RAB3C: variants seen among roughly 807,000 people sequenced by gnomAD.
The protein encoded by RAB3C is RAB3C, member RAS oncogene family.
A neutral mutation model predicts 26.4 loss-of-function variants in RAB3C; 17 were observed. The observed-to-expected ratio is 0.64, with a 90% CI of 0.44 to 0.97. The LOEUF (loss-of-function observed/expected upper bound fraction) is 0.97. Ranked by LOEUF, RAB3C falls within the 50% of genes least tolerant of loss-of-function variation. The pLI, the probability that RAB3C is intolerant of heterozygous loss-of-function variation, is 0.00. For synonymous variants in RAB3C, 91 were observed against 95.9 expected (o/e 0.95, Z 0.30); for missense variants, 242 against 281.9 (o/e 0.86, Z 1.01).
chr5:58,786,649 A>T (rs1742390295), intron 3 of RAB3C, among the ~76,000 whole-genome samples: 1 of 151,922 alleles, frequency 6.6e-6, no homozygotes, highest in Non-Finnish European at 1.5e-5. Flanking sequence ...TGTGCAGGTT[A>T]TTTTTATTTT....
In RAB3C at chr5:58,854,815, T is replaced by A. The variant is rs1485399632; in HGVS notation, c.*3464T>A. The A allele has an allele frequency of 3.4e-5, 5 of 147,184 alleles. No individual in the cohort carries two copies. Among genetic ancestry groups the A allele is most frequent in the African/African-American group, 1.0e-4 (4 of 39,610 alleles). The allele number at this position is 147,184 out of a possible 1,614,324, so 9.1% of individuals were successfully genotyped here. On this transcript the variant is annotated 3_prime_UTR_variant, in exon 5 of 5. Coordinates refer to ENST00000282878, the MANE Select transcript of RAB3C (RefSeq NM_138453.4). ...AAATCTACAAAGTTACAACCCAAAT[T>A]ATACAAGACATCAAAACACTCAGTA...
intron 2 of RAB3C, among the ~76,000 whole-genome samples, chr5:58,699,788 T>C (rs1748802880): frequency 6.6e-6 from 1 of 152,216 alleles, no homozygotes; most frequent in Admixed American, 6.5e-5. Flanking sequence ...CGGGAGAGAA[T>C]CACCTTGTCT....
chr5:58,670,479 T>C (rs1386871462), intron 2 of RAB3C, among the ~76,000 whole-genome samples: 1 of 152,206 alleles, frequency 6.6e-6, no homozygotes, highest in Non-Finnish European at 1.5e-5. Context: ...CTGAATGTGA[T>C]AATATTCTAA....
At chr5:58,635,688 C>G (rs1315082754) in intron 2 of RAB3C, among the ~76,000 whole-genome samples, 1 of 152,118 alleles carries the variant, frequency 6.6e-6, no homozygotes, top group Non-Finnish European at 1.5e-5. Flanking sequence ...CTAGAGCATA[C>G]TTTACCTCTA....
rs1744262036 is a variant in RAB3C, at chr5:58,856,467, A to C, written c.*5116A>C. 1 of 152,158 alleles carries C rather than the reference A, an allele frequency of 6.6e-6. No individual in the cohort carries two copies. The highest frequency in any genetic ancestry group is 2.4e-5 in the African/African-American group (1 of 41,438). 9.4% of individuals were successfully genotyped at this position (152,158 alleles called of 1,614,324 possible). A position where few individuals can be genotyped will look rare whatever the true frequency, so the allele number is the denominator to read the frequency against. On this transcript the variant is annotated 3_prime_UTR_variant, in exon 5 of 5. Coordinates refer to ENST00000282878, the MANE Select transcript of RAB3C (RefSeq NM_138453.4). ...CAAAACACTATCCTCATGGAATGACAGGACCAAGAATAGAAAATGAGACTC... is the reference window on the plus strand; with the variant it reads ...CAAAACACTATCCTCATGGAATGACCGGACCAAGAATAGAAAATGAGACTC...
chr5:58,610,016 T>C (rs1376306762), intron 1 of RAB3C, among the ~76,000 whole-genome samples: 2 of 152,080 alleles, frequency 1.3e-5, no homozygotes, highest in African/African-American at 2.4e-5. Context: ...TAATCGATTC[T>C]GAGAGACAAA....
At chr5:58,762,782 CAG>C (rs2308080) in intron 3 of RAB3C, among the ~76,000 whole-genome samples, 33,197 of 152,052 alleles carry the variant, frequency 0.22, 3,765 homozygotes, top group East Asian at 0.31. Context: ...ATCCTTTTTA[CAG>C]AGTTTTCCTA....
intron 3 of RAB3C, among the ~76,000 whole-genome samples, chr5:58,789,570 G>A (rs1187628633): frequency 6.6e-6 from 1 of 152,024 alleles, no homozygotes; most frequent in Non-Finnish European, 1.5e-5. Flanking sequence ...AAAATGTTAG[G>A]GCTCAAGGAA....
At chr5:58,630,677 A>G (rs1284373817) in intron 2 of RAB3C, among the ~76,000 whole-genome samples, 3 of 152,198 alleles carry the variant, frequency 2.0e-5, no homozygotes, top group African/African-American at 7.2e-5. Context: ...AGACAATGAG[A>G]AAGGCAAATA....
At chr5:58,833,862 G>A (rs1743674674) in intron 4 of RAB3C, among the ~76,000 whole-genome samples, 1 of 152,138 alleles carries the variant, frequency 6.6e-6, no homozygotes, top group Non-Finnish European at 1.5e-5. Context: ...TGATCCATGA[G>A]GTGATACACA....
chr5:58,618,754 A>AGT (rs1039093398), intron 2 of RAB3C, among the ~76,000 whole-genome samples: 2 of 152,210 alleles, frequency 1.3e-5, no homozygotes, highest in African/African-American at 4.8e-5. Flanking sequence ...ATGTTTCTAC[A>AGT]GTAAGTTTTG....
intron 2 of RAB3C, among the ~76,000 whole-genome samples, chr5:58,706,481 A>T (rs1236411866): frequency 6.6e-6 from 1 of 152,208 alleles, no homozygotes; most frequent in African/African-American, 2.4e-5. Context: ...CCATTTATAC[A>T]TTGTTGGTTT....
intron 3 of RAB3C, among the ~76,000 whole-genome samples, chr5:58,817,967 A>G (rs1373020694): frequency 6.6e-6 from 1 of 152,260 alleles, no homozygotes; most frequent in Non-Finnish European, 1.5e-5. Flanking sequence ...GTAGAGCAAT[A>G]TTAGCTTCCA....
intron 3 of RAB3C, among the ~76,000 whole-genome samples, chr5:58,801,805 G>A (rs1046889686): frequency 1.3e-5 from 2 of 152,214 alleles, no homozygotes; most frequent in African/African-American, 2.4e-5. Flanking sequence ...AGGCTGCTTA[G>A]GGATATAGTG....
At chr5:58,841,634 G>T (rs1049530183) in intron 4 of RAB3C, among the ~76,000 whole-genome samples, 11 of 152,182 alleles carry the variant, frequency 7.2e-5, no homozygotes, top group African/African-American at 2.7e-4. Context: ...TGGGCTTAGG[G>T]TTTGCAAGAG....
chr5:58,744,371 A>C (rs935353153), intron 3 of RAB3C, among the ~76,000 whole-genome samples: 5 of 152,232 alleles, frequency 3.3e-5, no homozygotes, highest in African/African-American at 9.6e-5. Context: ...GGAAGTAGAC[A>C]AGGAAGGACT....
chr5:58,855,302 C>A lies in RAB3C; in HGVS notation c.*3951C>A, dbSNP rs983579881. ...AGTCATAACTAAAACCCTTCTAGAC[C>A]AAAAAGTTACTGTGTGTTTGTTAAT... is the stretch of plus-strand genomic sequence containing the variant. On this transcript the variant is annotated 3_prime_UTR_variant, in exon 5 of 5. Transcript: ENST00000282878. 9.9e-5 allele frequency: 15 copies of A among 152,160 alleles called. No individual in the cohort carries two copies. Among genetic ancestry groups the A allele is most frequent in the African/African-American group, 2.9e-4 (12 of 41,430 alleles). 9.4% of individuals were successfully genotyped at this position (152,160 alleles called of 1,614,324 possible).
intron 3 of RAB3C, among the ~76,000 whole-genome samples, chr5:58,812,565 C>G (rs1743117783): frequency 6.6e-6 from 1 of 152,140 alleles, no homozygotes; most frequent in Non-Finnish European, 1.5e-5. Context: ...CTTGGTGTGG[C>G]CCAGACTGCA....
chr5:58,629,655 C>T (rs759517736), intron 2 of RAB3C, among the ~76,000 whole-genome samples: 6 of 152,010 alleles, frequency 3.9e-5, no homozygotes, highest in African/African-American at 4.8e-5. Context: ...AAAAGGGGAG[C>T]GTTTATGTAT....
Sources: gnomAD v4.1 joint callset for allele counts (sites outside exome capture counted in the v4.1 genomes callset) on GRCh38, gnomAD v4.1.1 for gene constraint, MANE v1.5 for transcripts, NCBI Gene and HGNC (gene_info 2026-07-23, HGNC 2026-07-21) for gene names.